The following GXYLT2 variants were observed in gnomAD, a reference collection of about 807,000 sequenced individuals.
GXYLT2 encodes the protein glycosyltransferase 8 domain containing 4.
GXYLT2 carries 53 observed loss-of-function variants against 45.8 expected under a neutral mutation model. The observed-to-expected ratio is 1.16, with a 90% CI of 0.93 to 1.46. The LOEUF is 1.46. Among genes scored for constraint, GXYLT2 ranks in the 40% most tolerant of loss-of-function variants. GXYLT2 has a pLI of 0.00. For synonymous variants in GXYLT2, 219 were observed against 214.2 expected (o/e 1.02, Z -0.19); for missense variants, 551 against 544.4 (o/e 1.01, Z -0.12).
At chr3:72,950,526 G>T (rs1710501654) in intron 3 of GXYLT2, among the ~76,000 whole-genome samples, 1 of 152,054 alleles carries the variant, frequency 6.6e-6, no homozygotes, top group Non-Finnish European at 1.5e-5. Flanking sequence ...AGCTACACAG[G>T]AGGCTGATAT....
intron 3 of GXYLT2, among the ~76,000 whole-genome samples, chr3:72,954,596 A>G (rs1242557499): frequency 6.6e-6 from 1 of 150,932 alleles, no homozygotes; most frequent in Non-Finnish European, 1.5e-5. Context: ...AGATCAGGCC[A>G]CTGCACTCCA....
At chr3:72,966,905 G>A (rs772241060) in intron 5 of GXYLT2, among the ~76,000 whole-genome samples, 7 of 152,106 alleles carry the variant, frequency 4.6e-5, no homozygotes, top group Non-Finnish European at 8.8e-5. Context: ...GATTACAGGC[G>A]TGAGCCACCA....
intron 3 of GXYLT2, among the ~76,000 whole-genome samples, chr3:72,928,587 G>A (rs1484984965): frequency 6.6e-6 from 1 of 152,160 alleles, no homozygotes; most frequent in Non-Finnish European, 1.5e-5. Context: ...TTAAGAGGAG[G>A]CTTGCACCTT....
chr3:72,963,346 G>A (rs1405432184), intron 5 of GXYLT2, among the ~76,000 whole-genome samples: 1 of 151,960 alleles, frequency 6.6e-6, no homozygotes, highest in Admixed American at 6.6e-5. Flanking sequence ...GCTGAGGCGG[G>A]CAGATTACTT....
intron 1 of GXYLT2, among the ~76,000 whole-genome samples, chr3:72,891,153 A>G (rs1341693646): frequency 2.0e-5 from 3 of 152,092 alleles, no homozygotes; most frequent in Admixed American, 2.0e-4. Flanking sequence ...TCAGAAAACG[A>G]GTGCTTTAAT....
intron 3 of GXYLT2, among the ~76,000 whole-genome samples, chr3:72,946,590 C>T (rs1710411644): frequency 6.6e-6 from 1 of 152,124 alleles, no homozygotes; most frequent in African/African-American, 2.4e-5. Flanking sequence ...TGCCTTCTCA[C>T]CGTGTCCTCC....
intron 5 of GXYLT2, among the ~76,000 whole-genome samples, chr3:72,961,121 G>A (rs779941792): frequency 6.6e-6 from 1 of 152,176 alleles, no homozygotes; most frequent in African/African-American, 2.4e-5. Flanking sequence ...GCTGAAACGC[G>A]TGGGGGCTTT....
intron 1 of GXYLT2, among the ~76,000 whole-genome samples, chr3:72,890,556 A>C (rs570398064): frequency 6.6e-6 from 1 of 152,362 alleles, no homozygotes; most frequent in South Asian, 2.1e-4. Flanking sequence ...TTGAGCACTT[A>C]CCTGCTATGC....
At chr3:72,898,174 A>T (rs1215510679) in intron 1 of GXYLT2, among the ~76,000 whole-genome samples, 1 of 152,218 alleles carries the variant, frequency 6.6e-6, no homozygotes, top group Non-Finnish European at 1.5e-5. Context: ...TATATAAATT[A>T]CCATAAAAAT....
At chr3:72,924,238 T>G (rs1709879781) in intron 3 of GXYLT2, among the ~76,000 whole-genome samples, 1 of 150,174 alleles carries the variant, frequency 6.7e-6, no homozygotes. Flanking sequence ...CTGTCGCCCC[T>G]GCTGGAGTGC....
chr3:72,954,551 T>G (rs1418879235), intron 3 of GXYLT2, among the ~76,000 whole-genome samples: 1 of 151,084 alleles, frequency 6.6e-6, no homozygotes, highest in Non-Finnish European at 1.5e-5. Flanking sequence ...TATGAGCTGC[T>G]TTAGAGATTG....
Position 72,925,152 on chromosome 3 carries a change from TTTTC to T in GXYLT2, c.600+2825_600+2828del, listed in dbSNP as rs1378180398. Among the ~76,000 whole-genome samples the T allele has an allele frequency of 2.7e-5, 4 of 146,604 alleles. No homozygotes were observed. The East Asian group carries it at 5.8e-4, about 21-fold the overall frequency. ...TGCTCATTATGTCATCTATTTTTCT[TTTTC>T]TTTCTTTTTTTTTTTTTTGAGACAG... On this transcript the variant is annotated intron_variant, in intron 3 of 6. Transcript: ENST00000389617.
chr3:72,933,880 G>T (rs1710126637), intron 3 of GXYLT2, among the ~76,000 whole-genome samples: 1 of 151,712 alleles, frequency 6.6e-6, no homozygotes, highest in South Asian at 2.1e-4. Context: ...CTCCAACTCG[G>T]GCAACAGAGT....
chr3:72,948,910 G>A (rs933580974), intron 3 of GXYLT2, among the ~76,000 whole-genome samples: 13 of 151,988 alleles, frequency 8.6e-5, no homozygotes, highest in African/African-American at 3.1e-4. Flanking sequence ...GCAGACACAG[G>A]GAGCCCAGGG....
chr3:72,964,995 A>C (rs1407967034), intron 5 of GXYLT2, among the ~76,000 whole-genome samples: 4 of 152,230 alleles, frequency 2.6e-5, no homozygotes, highest in African/African-American at 4.8e-5. Flanking sequence ...CCTCTGCATT[A>C]AATTGCAGAA....
intron 2 of GXYLT2, among the ~76,000 whole-genome samples, chr3:72,919,131 G>A (rs1293582991): frequency 1.3e-5 from 2 of 152,144 alleles, no homozygotes; most frequent in Non-Finnish European, 2.9e-5. Flanking sequence ...GAACTCCTAA[G>A]TATTTACCCA....
At chr3:72,908,967 C>G (rs563385493) in intron 2 of GXYLT2, among the ~76,000 whole-genome samples, 10 of 152,084 alleles carry the variant, frequency 6.6e-5, no homozygotes, top group African/African-American at 2.4e-4. Flanking sequence ...CTTAAGCAGT[C>G]TACCCACCTT....
intron 5 of GXYLT2, among the ~76,000 whole-genome samples, chr3:72,959,171 G>A (rs1710718769): frequency 7.2e-6 from 1 of 139,488 alleles, no homozygotes; most frequent in Non-Finnish European, 1.5e-5. Context: ...AGGCTGGAGT[G>A]CAGTGGCATG....
intron 3 of GXYLT2, among the ~76,000 whole-genome samples, chr3:72,930,980 C>T (rs915939016): frequency 3.9e-5 from 6 of 152,066 alleles, no homozygotes; most frequent in South Asian, 2.1e-4. Context: ...CTGAACCAAC[C>T]GACTTCTTTA....
Sources: allele counts gnomAD v4.1 joint callset (sites outside exome capture counted in the v4.1 genomes callset), GRCh38; gene constraint gnomAD v4.1.1; transcripts MANE v1.5; gene names NCBI Gene and HGNC (gene_info 2026-07-23, HGNC 2026-07-21).